The following PCDH19 variants were observed in gnomAD, a reference collection of about 807,000 sequenced individuals.
PCDH19 encodes protocadherin-19.
A neutral mutation model predicts 46.2 loss-of-function variants in PCDH19; 6 were observed. The ratio of observed to expected loss-of-function variants is 0.13; its 90% CI spans 0.07 to 0.26. The LOEUF is 0.26. Among genes scored for constraint, PCDH19 ranks in the 10% least tolerant of loss-of-function variants. PCDH19 has a pLI of 1.00. For synonymous variants in PCDH19, 481 were observed against 415.7 expected, an observed-to-expected ratio of 1.16 and a Z score of -1.91; for missense variants, 740 against 972.3, an observed-to-expected ratio of 0.76 and a Z score of 3.18.
intron 3 of PCDH19, among the ~76,000 whole-genome samples, chrX:100,398,371 C>T (rs1928083617): frequency 8.9e-6 from 1 of 112,221 alleles, no homozygotes. Context: ...TAACTGCATT[C>T]AAAGTCATAT....
rs1318908420 is a variant in PCDH19 at position 100,407,456 on chromosome X, T to C, written c.1142A>G (p.Asn381Ser). 28 of 1,210,722 alleles carry C rather than the reference T, an allele frequency of 2.3e-5. No individual in the cohort carries two copies. The highest frequency in any genetic ancestry group is 2.7e-5 in the Non-Finnish European group (24 of 895,441). Residue 381 changes from asparagine to serine, a missense_variant, in exon 1 of 6, where the codon AAT becomes AGT. Coordinates refer to ENST00000373034, the MANE Select transcript of PCDH19 (RefSeq NM_001184880.2). ...VRVSDRDSGLNGRVQCRLLGN... is the reference protein window; with the variant it reads ...VRVSDRDSGLSGRVQCRLLGN... ...CAGCAAACGGCACTGCACACGTCCA[T>C]TGAGGCCTGAGTCGCGATCAGACAC...
intron 3 of PCDH19, among the ~76,000 whole-genome samples, chrX:100,384,082 A>G (rs1324600276): frequency 8.9e-6 from 1 of 112,042 alleles, no homozygotes; most frequent in African/African-American, 3.2e-5. Context: ...ATGAATTTAA[A>G]ATGTAATGTA....
intron 5 of PCDH19, among the ~76,000 whole-genome samples, chrX:100,321,981 G>T (rs183701622): frequency 1.9e-5 from 2 of 108,054 alleles, no homozygotes; most frequent in Non-Finnish European, 3.8e-5. Flanking sequence ...AGTAGAGACG[G>T]GGTTTCACCG....
chrX:100,376,103 T>C (rs775152191), intron 3 of PCDH19, among the ~76,000 whole-genome samples: 1 of 109,342 alleles, frequency 9.1e-6, no homozygotes, highest in African/African-American at 3.3e-5. Flanking sequence ...GGCATGGTGG[T>C]ACATGCCTGT....
At chrX:100,307,744 A>T (rs1924993469) in intron 5 of PCDH19, among the ~76,000 whole-genome samples, 1 of 111,558 alleles carries the variant, frequency 9.0e-6, no homozygotes, top group Non-Finnish European at 1.9e-5. Context: ...GCACAGCTAT[A>T]CACCAACAGC....
intron 4 of PCDH19, among the ~76,000 whole-genome samples, chrX:100,347,545 A>G (rs912014769): frequency 9.0e-6 from 1 of 111,604 alleles, no homozygotes; most frequent in African/African-American, 3.3e-5. Flanking sequence ...CGTGCCAACT[A>G]TTTCATGTAG....
At chrX:100,366,293 T>G (rs1311622821) in intron 3 of PCDH19, among the ~76,000 whole-genome samples, 1 of 112,051 alleles carries the variant, frequency 8.9e-6, no homozygotes, top group African/African-American at 3.2e-5. Context: ...TTTCTCATTT[T>G]TACTGCCTCA....
chrX:100,371,017 GT>G (rs1569304459), intron 3 of PCDH19, among the ~76,000 whole-genome samples: 7 of 110,069 alleles, frequency 6.4e-5, no homozygotes, highest in African/African-American at 1.7e-4. Flanking sequence ...GTGTGTGTGT[GT>G]GTGTGTGGGT....
rs780091256 is a variant in PCDH19 at position 100,292,908 on chromosome X, G to C, written c.*3369C>G. ...ACATCAAAATGATCCCCAGAAAGTG[G>C]ATTGGAATTCCAGCCAGAACTGCTA... On this transcript the variant is annotated 3_prime_UTR_variant, in exon 6 of 6. Coordinates refer to ENST00000373034, the MANE Select transcript of PCDH19 (RefSeq NM_001184880.2). 2 of 111,722 alleles carry C rather than the reference G, an allele frequency of 1.8e-5. No homozygotes were observed. The highest frequency in any genetic ancestry group is 3.8e-5 in the Non-Finnish European group (2 of 53,146). The allele number at this position is 111,722 out of a possible 1,213,427, so 9.2% of individuals were successfully genotyped here.
At chrX:100,378,670 G>A (rs1002746978) in intron 3 of PCDH19, among the ~76,000 whole-genome samples, 7 of 112,431 alleles carry the variant, frequency 6.2e-5, no homozygotes, top group Non-Finnish European at 9.4e-5. Flanking sequence ...CACTGGAACC[G>A]TCTGAACAAA....
intron 3 of PCDH19, 93 bp downstream of exon 3, chrX:100,402,431 G>T: frequency 1.3e-6 from 1 of 771,347 alleles, no homozygotes; most frequent in Non-Finnish European, 2.0e-6. Flanking sequence ...ACCCCTGCCA[G>T]GGGATGTGCC....
In PCDH19 at chrX:100,410,195, T is replaced by C. The variant is rs1266700840; in HGVS notation, c.-1598A>G. 1 of 295,572 alleles carries C rather than the reference T, an allele frequency of 3.4e-6. No individual in the cohort carries two copies. The highest frequency in any genetic ancestry group is 2.8e-5 in the African/African-American group (1 of 36,244). 24.4% of individuals were successfully genotyped at this position (295,572 alleles called of 1,213,427 possible). ...TGCACGGGAGCTGTGCTGCCGTCTG[T>C]GCCCGCTCGTCCGTCTCCGCGCTGC... On this transcript the variant is annotated 5_prime_UTR_variant, in exon 1 of 6. Coordinates refer to ENST00000373034, the MANE Select transcript of PCDH19 (RefSeq NM_001184880.2).
intron 5 of PCDH19, among the ~76,000 whole-genome samples, chrX:100,324,324 G>A (rs1245724890): frequency 2.7e-5 from 3 of 111,825 alleles, no homozygotes; most frequent in East Asian, 5.7e-4. Context: ...CCTATGCTTC[G>A]TGGCATTGCC....
intron 3 of PCDH19, among the ~76,000 whole-genome samples, chrX:100,393,025 T>A (rs745645984): frequency 9.0e-6 from 1 of 111,044 alleles, no homozygotes. Flanking sequence ...GATACAGAAT[T>A]GTGCCCAAAA....
intron 3 of PCDH19, among the ~76,000 whole-genome samples, chrX:100,357,807 C>G (rs778112870): frequency 8.9e-6 from 1 of 112,133 alleles, no homozygotes; most frequent in South Asian, 3.7e-4. Flanking sequence ...CATCCCTCAA[C>G]GGGACTGGAA....
chrX:100,346,881 C>A (rs958726141), intron 4 of PCDH19, among the ~76,000 whole-genome samples: 2 of 111,073 alleles, frequency 1.8e-5, no homozygotes, highest in African/African-American at 6.6e-5. Context: ...ACAAAACAGG[C>A]ATGAGGAAAG....
chrX:100,377,484 G>C (rs1341901287), intron 3 of PCDH19, among the ~76,000 whole-genome samples: 1 of 111,867 alleles, frequency 8.9e-6, no homozygotes, highest in Non-Finnish European at 1.9e-5. Flanking sequence ...ACTCTTTGAG[G>C]GCAAGGATTA....
At chrX:100,371,727 C>T (rs1000505849) in intron 3 of PCDH19, among the ~76,000 whole-genome samples, 14 of 110,429 alleles carry the variant, frequency 1.3e-4, no homozygotes, top group African/African-American at 4.6e-4. Flanking sequence ...ATGTTAACTC[C>T]ATGATGTTAG....
intron 5 of PCDH19, among the ~76,000 whole-genome samples, chrX:100,311,109 T>C (rs1303355613): frequency 1.8e-5 from 2 of 109,394 alleles, no homozygotes; most frequent in African/African-American, 3.3e-5. Context: ...GCCTCAGGAG[T>C]AGCAGGGTTT....
Sources: allele counts gnomAD v4.1 joint callset (sites outside exome capture counted in the v4.1 genomes callset), GRCh38; gene constraint gnomAD v4.1.1; transcripts MANE v1.5; gene names NCBI Gene and HGNC (gene_info 2026-07-23, HGNC 2026-07-21).